The following ZC3H14 variants were observed in gnomAD, a reference collection of about 807,000 sequenced individuals.
ZC3H14 encodes zinc finger CCCH-type containing 14.
A neutral mutation model predicts 92.4 loss-of-function variants in ZC3H14; 31 were observed. That is an observed-to-expected ratio of 0.34 (90% CI 0.25 to 0.45). The LOEUF (loss-of-function observed/expected upper bound fraction) is 0.45. ZC3H14 is among the 20% of genes least tolerant of loss of function. The probability of loss-of-function intolerance (pLI) is 1.00; values close to 1 mark genes in which losing one functional copy is unlikely to be tolerated. For synonymous variants in ZC3H14, 321 were observed against 300.9 expected, an observed-to-expected ratio of 1.07 and a Z score of -0.69; for missense variants, 781 against 897.3, an observed-to-expected ratio of 0.87 and a Z score of 1.66.
intron 2 of ZC3H14, among the ~76,000 whole-genome samples, chr14:88,565,411 G>A (rs1313983682): frequency 2.0e-5 from 3 of 152,116 alleles, no homozygotes; most frequent in Non-Finnish European, 4.4e-5. Context: ...AAAGTGCTGG[G>A]ATTACAGGTG....
In ZC3H14 at chr14:88,609,357, C is replaced by G. The variant is rs576565791; in HGVS notation, c.1959C>G (p.Pro653=). ...CAAAGTGTACTAAACCAGATTGTCC[C>G]TTCACTCATGTGAGTAGAAGAATTC... ...YDAKCTKPDC[P]FTHVSRRIPV... is the part of the protein sequence containing the mutation. The change falls in exon 14 of 17, where the codon CCC becomes CCG. Residue 653 remains proline, a synonymous_variant. Transcript: ENST00000251038. 1.9e-6 allele frequency: 3 copies of G among 1,614,028 alleles called. No homozygotes were observed. Among genetic ancestry groups the G allele is most frequent in the South Asian group, 2.2e-5 (2 of 91,076 alleles).
In ZC3H14 at chr14:88,563,160, C is replaced by G. The variant is rs2079084345; in HGVS notation, c.27C>G (p.Arg9=). The change falls in exon 1 of 17, where the codon CGC becomes CGG. Residue 9 remains arginine (R), a synonymous_variant. Coordinates refer to ENST00000251038, the MANE Select transcript of ZC3H14 (RefSeq NM_024824.5). MEIGTEIS[R]KIRSAIKGKL... ...TGGAGATCGGCACCGAGATCAGCCG[C>G]AAGATCCGGGTGAGGCCCGTGCCGG... The G allele has an allele frequency of 2.5e-6, 4 of 1,604,162 alleles. No individual in the cohort carries two copies. The highest frequency in any genetic ancestry group is 1.7e-5 in the Admixed American group (1 of 59,386).
chr14:88,572,866 T>G lies in ZC3H14; in HGVS notation c.720T>G (p.Ser240Arg). ...TGCAATTTCAACAGCAGCAGAATAG[T>G]ATTCATGCTGCCAAGCAGCTTGATA... ...NRLQFQQQQN[S>R]IHAAKQLDMQ... Residue 240 changes from serine to arginine, a missense_variant, in exon 6 of 17, where the codon AGT becomes AGG. This residue lies in a region of ZC3H14 where 454 missense variants were observed against 438.5 expected (regional missense o/e 1.04). Coordinates refer to ENST00000251038, the MANE Select transcript of ZC3H14 (RefSeq NM_024824.5). The G allele has an allele frequency of 6.2e-7, 1 of 1,614,216 alleles. No individual in the cohort carries two copies. Among genetic ancestry groups the G allele is most frequent in the Non-Finnish European group, 8.5e-7 (1 of 1,180,038 alleles).
At chr14:88,578,197 TATTTTCCAATGG>T in intron 9 of ZC3H14, 57 bp downstream of exon 9, 1 of 1,584,942 alleles carries the variant, frequency 6.3e-7, no homozygotes, top group East Asian at 2.2e-5. Context: ...AGGCATTGAA[TATTTTCCAATGG>T]ATTTTTATGA....
Position 88,616,270 on chromosome 14 carries a change from G to T in ZC3H14, c.*4519G>T. On this transcript the variant is annotated 3_prime_UTR_variant, in exon 17 of 17. Transcript: ENST00000251038. ...AAAAAACAATGACAGACAAGCTCAG[G>T]GCATTTGGTGCACACAGAAGTCAAA... The T allele has an allele frequency of 3.1e-6, 5 of 1,603,682 alleles. No homozygotes were observed. Among genetic ancestry groups the T allele is most frequent in the Non-Finnish European group, 4.3e-6 (5 of 1,170,786 alleles).
chr14:88,574,449 TG>T, intron 6 of ZC3H14: 1 of 432,250 alleles, frequency 2.3e-6, no homozygotes. Flanking sequence ...TTCACCATAT[TG>T]GCCAGGCTGG....
Position 88,563,048 on chromosome 14 carries a change from T to TGGGAA in ZC3H14, c.-85_-84insGGAAG. ...GGCGGAACGGAGGAGGAGGCGGTGG[T>TGGGAA]GTCCCGGCTGCGGGGTAGGAGTCCG... On this transcript the variant is annotated 5_prime_UTR_variant, in exon 1 of 17. Transcript: ENST00000251038. The TGGGAA allele has an allele frequency of 6.6e-7, 1 of 1,519,728 alleles. No homozygotes were observed. Among genetic ancestry groups the TGGGAA allele is most frequent in the Non-Finnish European group, 8.8e-7 (1 of 1,134,952 alleles). The allele number at this position is 1,519,728 out of a possible 1,614,324, so 94.1% of individuals were successfully genotyped here. A position where few individuals can be genotyped will look rare whatever the true frequency, so the allele number is the denominator to read the frequency against.
At chr14:88,574,511 A>G (rs929755545) in intron 6 of ZC3H14, 182 bp from the exon 7 acceptor site, 6 of 695,270 alleles carry the variant, frequency 8.6e-6, no homozygotes, top group Non-Finnish European at 1.4e-5. Flanking sequence ...CCAAAGTGCT[A>G]GGATTACAGA....
chr14:88,563,747 G>A (rs2079195426), intron 2 of ZC3H14, 54 bp downstream of exon 2: 2 of 1,491,622 alleles, frequency 1.3e-6, no homozygotes, highest in South Asian at 1.1e-5. Flanking sequence ...GCAGCTAATA[G>A]AATTTTAGTG....
rs1341083249 is a variant in ZC3H14, at chr14:88,613,690, T to C, written c.*1939T>C. 7 of 152,108 alleles carry C rather than the reference T, an allele frequency of 4.6e-5. No homozygotes were observed. In the East Asian group the frequency reaches 5.8e-4, roughly 13 times the overall value. 9.4% of individuals were successfully genotyped at this position (152,108 alleles called of 1,614,324 possible). On this transcript the variant is annotated 3_prime_UTR_variant, in exon 17 of 17. Coordinates refer to ENST00000251038, the MANE Select transcript of ZC3H14 (RefSeq NM_024824.5). The stretch of plus-strand genomic sequence containing the variant: ...GGAAGGAAATGAGCATGGTTGGCGA[T>C]TGGAAGCAAGGGTACCAGAGGGCAC...
Position 88,619,046 on chromosome 14 carries a change from C to G in ZC3H14, c.*7295C>G, listed in dbSNP as rs998509630. 3 of 342,498 alleles carry G rather than the reference C, an allele frequency of 8.8e-6. No homozygotes were observed. The highest frequency in any genetic ancestry group is 1.5e-5 in the Non-Finnish European group (3 of 194,328). 21.2% of individuals were successfully genotyped at this position (342,498 alleles called of 1,614,324 possible). ...TTTCCCCAATTGTCATCTCCCAATT[C>G]CTTTAAAAACGTCTAATGGCTTAAA... On this transcript the variant is annotated 3_prime_UTR_variant, in exon 17 of 17. Transcript: ENST00000251038.
intron 2 of ZC3H14, among the ~76,000 whole-genome samples, chr14:88,564,603 G>A (rs1193109462): frequency 6.6e-6 from 1 of 152,154 alleles, no homozygotes; most frequent in Non-Finnish European, 1.5e-5. Context: ...TTTCACTGTG[G>A]TGGTGGTGTT....
In ZC3H14 at chr14:88,572,985, A is replaced by G; in HGVS notation, c.839A>G (p.Asn280Ser). ...EETYSPFFRN[N>S]SEKMSMEDEN... Reference sequence around the variant, plus strand: ...ACGTATAGTCCGTTCTTTAGAAACAACTCGGAGAAAATGAGTATGGAGGTT... The same window carrying G: ...ACGTATAGTCCGTTCTTTAGAAACAGCTCGGAGAAAATGAGTATGGAGGTT... The change falls in exon 6 of 17, where the codon AAC (asparagine) becomes AGC (serine). Residue 280 changes from asparagine (N) to serine (S), a missense_variant. Around this residue, in one of 3 missense-constraint regions of ZC3H14, gnomAD observed 454 missense variants for 438.5 expected, o/e 1.04. Coordinates refer to ENST00000251038, the MANE Select transcript of ZC3H14 (RefSeq NM_024824.5). 1.9e-6 allele frequency: 3 copies of G among 1,614,044 alleles called. No individual in the cohort carries two copies. The highest frequency in any genetic ancestry group is 1.3e-5 in the African/African-American group (1 of 75,038).
In ZC3H14 at chr14:88,614,990, C is replaced by T. The variant is rs2087358115; in HGVS notation, c.*3239C>T. On this transcript the variant is annotated 3_prime_UTR_variant, in exon 17 of 17. Coordinates refer to ENST00000251038, the MANE Select transcript of ZC3H14 (RefSeq NM_024824.5). ...TATATATTAGACTACATTAAATATG[C>T]AATTCTTTCTTCCAGTTAAATACTG... The T allele has an allele frequency of 6.6e-6, 1 of 152,142 alleles. No homozygotes were observed. 9.4% of individuals were successfully genotyped at this position (152,142 alleles called of 1,614,324 possible). A position where few individuals can be genotyped will look rare whatever the true frequency, so the allele number is the denominator to read the frequency against.
Position 88,574,468 on chromosome 14 carries a change from A to G in ZC3H14, c.862-225A>G. Reference sequence around the variant, plus strand: ...CCATATTGGCCAGGCTGGTCTCGAAATCCTGACCTTGTGATCCGCCCACTT... The same window carrying G: ...CCATATTGGCCAGGCTGGTCTCGAAGTCCTGACCTTGTGATCCGCCCACTT... On this transcript the variant is annotated intron_variant, in intron 6 of 16. Transcript: ENST00000251038. The G allele has an allele frequency of 6.2e-6, 3 of 485,688 alleles. No individual in the cohort carries two copies. The South Asian group carries it at 6.2e-5, about 10-fold the overall frequency. The allele number at this position is 485,688 out of a possible 1,614,324, so 30.1% of individuals were successfully genotyped here.
chr14:88,617,086 G>T lies in ZC3H14; in HGVS notation c.*5335G>T. 2.3e-6 allele frequency: 1 copy of T among 431,470 alleles called. No homozygotes were observed. The highest frequency in any genetic ancestry group is 4.1e-6 in the Non-Finnish European group (1 of 242,374). The allele number at this position is 431,470 out of a possible 1,614,324, so 26.7% of individuals were successfully genotyped here. On this transcript the variant is annotated 3_prime_UTR_variant, in exon 17 of 17. Coordinates refer to ENST00000251038, the MANE Select transcript of ZC3H14 (RefSeq NM_024824.5). The stretch of plus-strand genomic sequence containing the variant: ...AAAATGACATTTTATAATTTGAAGG[G>T]TTTCTAGATTAATCTTTTTAAGATT...
In ZC3H14 at chr14:88,618,831, TA is replaced by T; in HGVS notation, c.*7085del. On this transcript the variant is annotated 3_prime_UTR_variant, in exon 17 of 17. Transcript: ENST00000251038. ...ACTAAATCTGAATCAAAACAAAACG[TA>T]AAAAGTATTAGACCACATGAAGTAT... 2 of 1,553,520 alleles carry T rather than the reference TA, an allele frequency of 1.3e-6. No individual in the cohort carries two copies. The highest frequency in any genetic ancestry group is 1.2e-5 in the South Asian group (1 of 83,390).
chr14:88,626,852 T>C lies in ZC3H14; in HGVS notation c.*15101T>C, dbSNP rs754956166. The C allele has an allele frequency of 3.1e-6, 5 of 1,613,858 alleles. No homozygotes were observed. The highest frequency in any genetic ancestry group is 2.2e-5 in the East Asian group (1 of 44,864). The stretch of plus-strand genomic sequence containing the variant: ...AAGAGACATACTGCACCAAATGCAA[T>C]AGCGAGCATGGTCTGCATCCGGGCA... On this transcript the variant is annotated 3_prime_UTR_variant, in exon 17 of 17. Coordinates refer to ENST00000251038, the MANE Select transcript of ZC3H14 (RefSeq NM_024824.5).
chr14:88,580,229 C>T (rs996886715), intron 9 of ZC3H14, among the ~76,000 whole-genome samples: 8 of 151,848 alleles, frequency 5.3e-5, no homozygotes, highest in Non-Finnish European at 1.2e-4. Context: ...TGCTGGAGCC[C>T]AGGAGGCTGA....
Sources: allele counts gnomAD v4.1 joint callset (sites outside exome capture counted in the v4.1 genomes callset), GRCh38; gene constraint gnomAD v4.1.1; regional missense constraint gnomAD v4.1.1; transcripts MANE v1.5; gene names NCBI Gene and HGNC (gene_info 2026-07-23, HGNC 2026-07-21).